The following CBLL1 variants were observed in gnomAD, a reference collection of about 807,000 sequenced individuals.
CBLL1 encodes the protein E3 ubiquitin-protein ligase Hakai.
In CBLL1, 4 loss-of-function variants were observed where a neutral mutation model predicts 44.9. The observed-to-expected ratio is 0.09, with a 90% CI of 0.04 to 0.20. CBLL1 has a LOEUF of 0.20. Ranked by LOEUF, CBLL1 falls within the 10% of genes least tolerant of loss-of-function variation. The pLI is 1.00. For synonymous variants in CBLL1, 235 were observed against 202.2 expected (o/e 1.16, Z -1.38); for missense variants, 569 against 636.7 (o/e 0.89, Z 1.14).
At chr7:107,754,054 T>A in intron 4 of CBLL1, 76 bp downstream of exon 4, 1 of 880,158 alleles carries the variant, frequency 1.1e-6, no homozygotes, top group African/African-American at 1.7e-5. Flanking sequence ...GATAGGTTTA[T>A]CATTGTTTAA....
chr7:107,749,891 A>G (rs935128690), intron 2 of CBLL1, among the ~76,000 whole-genome samples: 12 of 151,934 alleles, frequency 7.9e-5, no homozygotes, highest in Admixed American at 2.6e-4. Flanking sequence ...TTGTAAATTA[A>G]TAGGGTTTTT....
chr7:107,754,067 A>T (rs918602830), intron 4 of CBLL1, 89 bp downstream of exon 4: 4 of 667,048 alleles, frequency 6.0e-6, no homozygotes, highest in Non-Finnish European at 9.6e-6. Flanking sequence ...TTGTTTAATG[A>T]CTAAGTTTGC....
Position 107,758,115 on chromosome 7 carries a change from A to G in CBLL1, c.441-28A>G, listed in dbSNP as rs771441726. 1 of 1,533,608 alleles carries G rather than the reference A, an allele frequency of 6.5e-7. No individual in the cohort carries two copies. The highest frequency in any genetic ancestry group is 1.3e-5 in the South Asian group (1 of 79,760). ...TAATTTTTTGTATTCTCTTTTAGTAAATCACATTTCTTTCCCTTCTAATTT... is the reference window on the plus strand; with the variant it reads ...TAATTTTTTGTATTCTCTTTTAGTAGATCACATTTCTTTCCCTTCTAATTT... On this transcript the variant is annotated intron_variant, in intron 5 of 5. Coordinates refer to ENST00000440859, the MANE Select transcript of CBLL1 (RefSeq NM_024814.4). This position sits in a 1 kb window ranked among gnomAD's most constrained non-coding sequence, Gnocchi z 4.2.
intron 4 of CBLL1, 36 bp from the exon 5 acceptor site, chr7:107,755,382 C>A: frequency 1.7e-6 from 2 of 1,207,862 alleles, no homozygotes; most frequent in Non-Finnish European, 2.3e-6. Flanking sequence ...ATTATAAGTT[C>A]TAATATGCTT....
At chr7:107,755,985 A>AG (rs564931730) in intron 5 of CBLL1, among the ~76,000 whole-genome samples, 77 of 152,302 alleles carry the variant, frequency 5.1e-4, no homozygotes, top group African/African-American at 1.7e-3. Flanking sequence ...TATATATAGT[A>AG]GCTGGCATAT....
intron 1 of CBLL1, among the ~76,000 whole-genome samples, 192 bp from the exon 2 acceptor site, chr7:107,748,688 G>C (rs2115606665): frequency 6.6e-6 from 1 of 152,058 alleles, no homozygotes; most frequent in Middle Eastern, 3.4e-3. Flanking sequence ...ATCTCAAAAG[G>C]GGTTAAAAAG....
At chr7:107,744,199 G>C (rs1182881522) in intron 1 of CBLL1, 23 bp downstream of exon 1, 2 of 1,544,290 alleles carry the variant, frequency 1.3e-6, no homozygotes, top group Non-Finnish European at 8.7e-7. Context: ...AGGCAGTGGG[G>C]GTCCCGGTTC....
At chr7:107,744,930 C>T (rs1489847994) in intron 1 of CBLL1, 1 of 152,062 alleles carries the variant, frequency 6.6e-6, no homozygotes, top group Non-Finnish European at 1.5e-5. Context: ...AGTTATGTGC[C>T]CCATACATTT....
chr7:107,744,183 A>C lies in CBLL1; in HGVS notation c.13+7A>C, dbSNP rs770294559. 3 of 1,550,178 alleles carry C rather than the reference A, an allele frequency of 1.9e-6. No homozygotes were observed. Among genetic ancestry groups the C allele is most frequent in the South Asian group, 1.2e-5 (1 of 83,912 alleles). ...CGAATCATGGATCACACTGGTAAGG[A>C]GGCGGAGGCAGTGGGGGTCCCGGTT... On this transcript the variant is annotated splice_region_variant and intron_variant, in intron 1 of 5. Transcript: ENST00000440859.
intron 5 of CBLL1, among the ~76,000 whole-genome samples, chr7:107,756,171 A>G (rs1234338114): frequency 3.3e-5 from 5 of 152,196 alleles, no homozygotes. Flanking sequence ...AGAATCGTTG[A>G]TAAGGAAGGC....
At chr7:107,756,608 G>A (rs1307466659) in intron 5 of CBLL1, among the ~76,000 whole-genome samples, 1 of 151,858 alleles carries the variant, frequency 6.6e-6, no homozygotes, top group East Asian at 1.9e-4. Flanking sequence ...TGCTTCATCG[G>A]GATAAAGGAT....
rs1309510976 is a variant in CBLL1, at chr7:107,749,112, T to G, written c.181+65T>G. The G allele has an allele frequency of 4.2e-6, 6 of 1,441,746 alleles. No homozygotes were observed. In the East Asian group the frequency reaches 1.4e-4, roughly 34 times the overall value. 89.3% of individuals were successfully genotyped at this position (1,441,746 alleles called of 1,614,324 possible). On this transcript the variant is annotated intron_variant, in intron 2 of 5. Coordinates refer to ENST00000440859, the MANE Select transcript of CBLL1 (RefSeq NM_024814.4). ...TTATCTGATTGCTTCGGACAGTCTG[T>G]GTGATCTTATAGCTACCTCTTTTTG...
At chr7:107,756,774 T>G (rs574161862) in intron 5 of CBLL1, among the ~76,000 whole-genome samples, 9 of 152,318 alleles carry the variant, frequency 5.9e-5, no homozygotes, top group Admixed American at 5.2e-4. Context: ...GTACTAACCT[T>G]ACTAATGGAC....
rs1793417983 is a variant in CBLL1 at position 107,753,889 on chromosome 7, C to T, written c.283-6C>T. ...GAAGGTAATTTTAATTATATCATTT[C>T]AACAGATAAACATCTTAGGTGAAAA... On this transcript the variant is annotated splice_region_variant and splice_polypyrimidine_tract_variant and intron_variant, in intron 3 of 5. Coordinates refer to ENST00000440859, the MANE Select transcript of CBLL1 (RefSeq NM_024814.4). 6.4e-7 allele frequency: 1 copy of T among 1,551,552 alleles called. No homozygotes were observed. Among genetic ancestry groups the T allele is most frequent in the Non-Finnish European group, 8.8e-7 (1 of 1,138,124 alleles).
chr7:107,755,370 ATAT>A (rs752996909), intron 4 of CBLL1, 45 bp from the exon 5 acceptor site: 77 of 1,054,568 alleles, frequency 7.3e-5, no homozygotes, highest in Non-Finnish European at 9.8e-5. Context: ...TATTTTAAAA[ATAT>A]TATAAGTTCT....
At chr7:107,755,775 G>T (rs1403022357) in intron 5 of CBLL1, among the ~76,000 whole-genome samples, 1 of 152,128 alleles carries the variant, frequency 6.6e-6, no homozygotes, top group Non-Finnish European at 1.5e-5. Flanking sequence ...CATTAAAGAA[G>T]TATTAAGATA....
chr7:107,754,024 A>G, intron 4 of CBLL1, 46 bp downstream of exon 4: 1 of 1,247,172 alleles, frequency 8.0e-7, no homozygotes, highest in Non-Finnish European at 1.1e-6. Context: ...ATTTGCATAG[A>G]GGTGGGGTTC....
At position 107,750,686 on chromosome 7, in the gene CBLL1, C is replaced by G. The variant is rs371262026; in HGVS notation, c.181+1639C>G. 2.6e-5 allele frequency among the ~76,000 whole-genome samples: 4 copies of G among 152,274 alleles called. No homozygotes were observed. In the South Asian group the frequency reaches 6.2e-4, roughly 24 times the overall value. On this transcript the variant is annotated intron_variant, in intron 2 of 5. Coordinates refer to ENST00000440859, the MANE Select transcript of CBLL1 (RefSeq NM_024814.4). Reference sequence around the variant, plus strand: ...ATTTGAAAGGCCTTCCCCTATTTCACCAGTATAAAAGAGTTTTTCCATCTT... The same window carrying G: ...ATTTGAAAGGCCTTCCCCTATTTCAGCAGTATAAAAGAGTTTTTCCATCTT...
rs139526354 is a variant in CBLL1 at position 107,759,152 on chromosome 7, A to T, written c.1450A>T (p.Thr484Ser). The T allele has an allele frequency of 1.9e-6, 3 of 1,612,728 alleles. No individual in the cohort carries two copies. In the Admixed American group the frequency reaches 5.0e-5, roughly 27 times the overall value. ...PLPGPHHPDQ[T>S]RYRPYYQ ...TCCTGGACCACATCATCCAGATCAGACAAGATATAGACCGTATTACCAATG... is the reference window on the plus strand; with the variant it reads ...TCCTGGACCACATCATCCAGATCAGTCAAGATATAGACCGTATTACCAATG... The change falls in exon 6 of 6, where the codon ACA (threonine) becomes TCA (serine). Residue 484 changes from threonine to serine, a missense_variant. Physicochemically the swap from Thr to Ser is moderately conservative, Grantham distance 58 (BLOSUM62 1). This residue lies in a region of CBLL1 where 228 missense variants were observed against 253.2 expected (regional missense o/e 0.90). Transcript: ENST00000440859.
Sources: gnomAD v4.1 joint callset for allele counts (sites outside exome capture counted in the v4.1 genomes callset) on GRCh38, gnomAD v4.1.1 for gene constraint, gnomAD v4.1.1 regional missense constraint, Gnocchi (gnomAD v3.1) non-coding constraint, MANE v1.5 for transcripts, NCBI Gene and HGNC (gene_info 2026-07-23, HGNC 2026-07-21) for gene names.